The following GLG1 variants were observed in gnomAD, a reference collection of about 807,000 sequenced individuals.
GLG1 encodes golgi glycoprotein 1, also known as Golgi apparatus protein 1.
In GLG1, 38 loss-of-function variants were observed where a neutral mutation model predicts 160.5. That is an observed-to-expected ratio of 0.24 (90% confidence interval 0.18 to 0.31). The LOEUF (loss-of-function observed/expected upper bound fraction) is 0.31. Among genes scored for constraint, GLG1 ranks in the 10% least tolerant of loss-of-function variants. The pLI is 1.00. For missense variants in GLG1, 1,373 were observed against 1,505.2 expected (o/e 0.91, Z 1.45); for synonymous variants, 644 against 543.4 (o/e 1.19, Z -2.57).
intron 1 of GLG1, among the ~76,000 whole-genome samples, chr16:74,580,445 G>A (rs1957913047): frequency 6.6e-6 from 1 of 152,108 alleles, no homozygotes; most frequent in African/African-American, 2.4e-5. Context: ...GCTGCAGTAA[G>A]CCATATTCAC....
chr16:74,490,774 G>A (rs995328800), intron 8 of GLG1, among the ~76,000 whole-genome samples: 2 of 152,162 alleles, frequency 1.3e-5, no homozygotes, highest in Non-Finnish European at 2.9e-5. Flanking sequence ...TATCTAAGAA[G>A]ACAATTCTTT....
chr16:74,491,002 G>T lies in GLG1; in HGVS notation c.1448C>A (p.Ala483Glu). The T allele has an allele frequency of 6.2e-7, 1 of 1,608,354 alleles. No individual in the cohort carries two copies. Among genetic ancestry groups the T allele is most frequent in the Non-Finnish European group, 8.5e-7 (1 of 1,174,820 alleles). Residue 483 changes from alanine to glutamate, a missense_variant and splice_region_variant, in exon 8 of 26, where the codon GCG (alanine) becomes GAG (glutamate). Ala to Glu is a moderately radical substitution (Grantham distance 107). This residue lies in a region of GLG1 where 386 missense variants were observed against 388.5 expected (regional missense o/e 0.99). Transcript: ENST00000422840. ...KGNLGMNCQQ[A>E]LQTLIQETDP... Reference sequence around the variant, plus strand: ...ATGGCAATAGCAATGTCTCCTTACCGCCTGCTGGCAGTTCATTCCAAGGTT... The same window carrying T: ...ATGGCAATAGCAATGTCTCCTTACCTCCTGCTGGCAGTTCATTCCAAGGTT...
chr16:74,475,742 G>C (rs1197265438), intron 12 of GLG1, among the ~76,000 whole-genome samples: 1 of 152,146 alleles, frequency 6.6e-6, no homozygotes, highest in Admixed American at 6.5e-5. Flanking sequence ...GAATCTCTCT[G>C]TTTCAGAATT....
intron 1 of GLG1, among the ~76,000 whole-genome samples, chr16:74,599,523 A>C (rs985470407): frequency 2.0e-5 from 3 of 152,208 alleles, no homozygotes; most frequent in Non-Finnish European, 4.4e-5. Flanking sequence ...GTTCAAGACC[A>C]GCCTGGCCAA....
At chr16:74,515,593 C>G (rs949776716) in intron 2 of GLG1, among the ~76,000 whole-genome samples, 4 of 150,500 alleles carry the variant, frequency 2.7e-5, no homozygotes, top group African/African-American at 1.0e-4. Context: ...AGGAGATATA[C>G]CTAATGTTAA....
At chr16:74,485,219 C>A (rs147386922) in intron 9 of GLG1, among the ~76,000 whole-genome samples, 1 of 152,312 alleles carries the variant, frequency 6.6e-6, no homozygotes, top group East Asian at 1.9e-4. Context: ...GGTTTAAGAG[C>A]TGTTTTTACA....
chr16:74,575,323 G>T (rs1157545722), intron 1 of GLG1, among the ~76,000 whole-genome samples: 3 of 152,042 alleles, frequency 2.0e-5, no homozygotes, highest in African/African-American at 7.2e-5. Context: ...CTGATTTTGA[G>T]ATGCACCATT....
chr16:74,501,301 C>A lies in GLG1; in HGVS notation c.774+2230G>T, dbSNP rs950080496. On this transcript the variant is annotated intron_variant, in intron 4 of 25. Coordinates refer to ENST00000422840, the MANE Select transcript of GLG1 (RefSeq NM_001145667.2). ...CATGTGTGAGTCTATCTCACCGTCC[C>A]CAAAATACAAGAAAGCCTTTGATGC... Among the ~76,000 whole-genome samples the A allele has an allele frequency of 2.6e-5, 4 of 152,072 alleles. No homozygotes were observed. The East Asian group carries it at 7.7e-4, about 29-fold the overall frequency.
intron 3 of GLG1, among the ~76,000 whole-genome samples, chr16:74,506,029 TAAAAAAAAAA>T (rs59306961): frequency 1.1e-5 from 1 of 92,512 alleles, no homozygotes; most frequent in Admixed American, 1.5e-4. Context: ...GACTCCATCT[TAAAAAAAAAA>T]AAAAAAAAAA....
chr16:74,597,090 G>T (rs1056428925), intron 1 of GLG1, among the ~76,000 whole-genome samples: 3 of 151,918 alleles, frequency 2.0e-5, no homozygotes, highest in African/African-American at 7.3e-5. Flanking sequence ...CTGCACTGCA[G>T]CCTGGGCAAG....
At chr16:74,602,053 G>C (rs768938658) in intron 1 of GLG1, among the ~76,000 whole-genome samples, 5 of 152,076 alleles carry the variant, frequency 3.3e-5, no homozygotes, top group African/African-American at 4.8e-5. Flanking sequence ...AGACAATAGA[G>C]ATGGTGTAGT....
At chr16:74,529,399 C>A (rs1170438615) in intron 2 of GLG1, among the ~76,000 whole-genome samples, 1 of 151,676 alleles carries the variant, frequency 6.6e-6, no homozygotes, top group Non-Finnish European at 1.5e-5. Flanking sequence ...GGTTGAAATA[C>A]TTCATATTTT....
intron 22 of GLG1, among the ~76,000 whole-genome samples, chr16:74,460,393 G>C (rs1474488459): frequency 1.3e-5 from 2 of 152,166 alleles, no homozygotes; most frequent in East Asian, 1.9e-4. Context: ...CTGACCTCAG[G>C]TGATCCTCCT....
chr16:74,605,265 G>A (rs1306047752), intron 1 of GLG1, among the ~76,000 whole-genome samples: 1 of 150,266 alleles, frequency 6.7e-6, no homozygotes, highest in African/African-American at 2.5e-5. Context: ...TCCTTTAAGT[G>A]GAGGTTTCCA....
chr16:74,533,037 C>T (rs1468048512), intron 1 of GLG1, among the ~76,000 whole-genome samples: 1 of 152,160 alleles, frequency 6.6e-6, no homozygotes, highest in Non-Finnish European at 1.5e-5. Context: ...AATGAACTTT[C>T]AGGCAGGGCA....
chr16:74,605,075 C>T (rs774634794), intron 1 of GLG1, among the ~76,000 whole-genome samples: 6 of 152,118 alleles, frequency 3.9e-5, no homozygotes, highest in Non-Finnish European at 8.8e-5. Context: ...AAAAATAACT[C>T]CACCTCCTGA....
chr16:74,450,189 A>G lies in GLG1; in HGVS notation c.*2978T>C, dbSNP rs1597207302. 6.6e-6 allele frequency: 1 copy of G among 152,198 alleles called. No homozygotes were observed. The highest frequency in any genetic ancestry group is 6.6e-5 in the Admixed American group (1 of 15,266). The allele number at this position is 152,198 out of a possible 1,614,324, so 9.4% of individuals were successfully genotyped here. On this transcript the variant is annotated 3_prime_UTR_variant, in exon 26 of 26. Coordinates refer to ENST00000422840, the MANE Select transcript of GLG1 (RefSeq NM_001145667.2). The stretch of plus-strand genomic sequence containing the variant: ...GCAAAACCCCCTACCCTCTACTTCT[A>G]TTACTGTTGGTGGGCTACACATCAG...
chr16:74,455,327 T>A (rs943449098), intron 25 of GLG1, among the ~76,000 whole-genome samples: 1 of 151,888 alleles, frequency 6.6e-6, no homozygotes, highest in African/African-American at 2.4e-5. Flanking sequence ...CAGAACAGAG[T>A]AGGGAGGCGT....
intron 2 of GLG1, among the ~76,000 whole-genome samples, chr16:74,524,637 G>T (rs1425162241): frequency 1.3e-5 from 2 of 151,968 alleles, no homozygotes; most frequent in Non-Finnish European, 2.9e-5. Context: ...AATACAAAGG[G>T]AGGGGAAGTA....
Sources: gnomAD v4.1 joint callset for allele counts (sites outside exome capture counted in the v4.1 genomes callset) on GRCh38, gnomAD v4.1.1 for gene constraint, gnomAD v4.1.1 regional missense constraint, MANE v1.5 for transcripts, NCBI Gene and HGNC (gene_info 2026-07-23, HGNC 2026-07-21) for gene names.